The following LOXL2 variants were observed in gnomAD, a reference collection of about 807,000 sequenced individuals.
LOXL2 encodes the protein lysyl oxidase like 2.
In LOXL2, 70 loss-of-function variants were observed where a neutral mutation model predicts 93.0. That is an observed-to-expected ratio of 0.75 (90% CI 0.62 to 0.92). The LOEUF (loss-of-function observed/expected upper bound fraction) is 0.92. Ranked by LOEUF, LOXL2 falls within the 40% of genes least tolerant of loss-of-function variation. The probability of loss-of-function intolerance (pLI) is 0.00; values close to 1 mark genes in which losing one functional copy is unlikely to be tolerated. For synonymous variants in LOXL2, 438 were observed against 413.2 expected, an observed-to-expected ratio of 1.06 and a Z score of -0.73; for missense variants, 973 against 1,054.9, an observed-to-expected ratio of 0.92 and a Z score of 1.08.
intron 6 of LOXL2, among the ~76,000 whole-genome samples, chr8:23,325,753 C>G: frequency 6.6e-6 from 1 of 152,232 alleles, no homozygotes; most frequent in Non-Finnish European, 1.5e-5. Flanking sequence ...GATAAAGACA[C>G]AGGTGCTCCC....
chr8:23,332,222 ACCC>A (rs1191406516), intron 5 of LOXL2, among the ~76,000 whole-genome samples: 1 of 58,254 alleles, frequency 1.7e-5, no homozygotes, highest in Non-Finnish European at 3.3e-5. Context: ...CACCCCACAC[ACCC>A]CCTACACACT....
At chr8:23,342,473 C>T (rs1446384241) in intron 3 of LOXL2, among the ~76,000 whole-genome samples, 2 of 151,182 alleles carry the variant, frequency 1.3e-5, no homozygotes, top group Non-Finnish European at 3.0e-5. Flanking sequence ...GCTCTGTCGC[C>T]CAGGCTGGAG....
At chr8:23,384,564 T>C (rs1804729224) in intron 1 of LOXL2, among the ~76,000 whole-genome samples, 1 of 151,578 alleles carries the variant, frequency 6.6e-6, no homozygotes, top group Non-Finnish European at 1.5e-5. Context: ...CTTCATTCCC[T>C]ATCTGAGTCC....
At chr8:23,357,123 G>A (rs545205052) in intron 3 of LOXL2, among the ~76,000 whole-genome samples, 132 of 151,378 alleles carry the variant, frequency 8.7e-4, no homozygotes, top group Middle Eastern at 3.4e-3. Flanking sequence ...AGGCTGGAGC[G>A]CAATGGCAGG....
At chr8:23,347,262 C>A (rs1255728556) in intron 3 of LOXL2, among the ~76,000 whole-genome samples, 1 of 151,972 alleles carries the variant, frequency 6.6e-6, no homozygotes, top group East Asian at 1.9e-4. Flanking sequence ...GAGGCTGAGG[C>A]AAGAGAATCA....
rs769169718 is a variant in LOXL2 at position 23,328,475 on chromosome 8, C to T, written c.1057G>A (p.Asp353Asn). Reference sequence around the variant, plus strand: ...CTGGCCGACACCAGGTCCCACTTGTCGTCGCAGACGGTCCCCCATTCTCCA... The same window carrying T: ...CTGGCCGACACCAGGTCCCACTTGTTGTCGCAGACGGTCCCCCATTCTCCA... ...KNGEWGTVCD[D>N]KWDLVSASVV... Residue 353 changes from aspartate (D) to asparagine (N), a missense_variant, in exon 6 of 14, where the codon GAC (aspartate) becomes AAC (asparagine). Physicochemically the swap from Asp to Asn is conservative, Grantham distance 23. Coordinates refer to ENST00000389131, the MANE Select transcript of LOXL2 (RefSeq NM_002318.3). The T allele has an allele frequency of 4.2e-5, 68 of 1,613,996 alleles. No individual in the cohort carries two copies. Among genetic ancestry groups the T allele is most frequent in the Non-Finnish European group, 4.9e-5 (58 of 1,180,038 alleles).
intron 10 of LOXL2, among the ~76,000 whole-genome samples, chr8:23,308,971 A>AATAT (rs202120091): frequency 1.8e-4 from 26 of 146,876 alleles, no homozygotes; most frequent in African/African-American, 4.8e-4. Flanking sequence ...CAGTACGTGG[A>AATAT]ATATATATAT....
intron 6 of LOXL2, among the ~76,000 whole-genome samples, chr8:23,327,582 T>C (rs1326259163): frequency 6.6e-6 from 1 of 152,010 alleles, no homozygotes; most frequent in East Asian, 1.9e-4. Flanking sequence ...TTCCAGGAAA[T>C]GACCATGACT....
At chr8:23,373,206 G>A (rs1804526790) in intron 1 of LOXL2, among the ~76,000 whole-genome samples, 1 of 152,118 alleles carries the variant, frequency 6.6e-6, no homozygotes, top group African/African-American at 2.4e-5. Context: ...GGCCCTGCTG[G>A]GAGTAGAGGT....
intron 6 of LOXL2, 146 bp from the exon 7 acceptor site, chr8:23,322,427 C>A (rs1465182338): frequency 4.7e-6 from 3 of 638,714 alleles, no homozygotes; most frequent in Non-Finnish European, 8.1e-6. Flanking sequence ...ATGACCCAAG[C>A]CTCTTCTCCC....
intron 12 of LOXL2, among the ~76,000 whole-genome samples, chr8:23,299,568 G>A (rs1803093332): frequency 6.6e-6 from 1 of 152,170 alleles, no homozygotes; most frequent in Non-Finnish European, 1.5e-5. Flanking sequence ...GGAATAGGAA[G>A]GACATATTCT....
At chr8:23,360,619 C>T (rs143660130) in intron 2 of LOXL2, among the ~76,000 whole-genome samples, 1 of 152,222 alleles carries the variant, frequency 6.6e-6, no homozygotes. Context: ...GGTCAAGGGC[C>T]CTTTTTCTTA....
chr8:23,311,563 T>C lies in LOXL2; in HGVS notation c.1637-1652A>G, dbSNP rs191594752. Among the ~76,000 whole-genome samples the C allele has an allele frequency of 5.3e-5, 8 of 151,654 alleles. No individual in the cohort carries two copies. In the East Asian group the frequency reaches 1.5e-3, roughly 29 times the overall value. On this transcript the variant is annotated intron_variant, in intron 9 of 13. Transcript: ENST00000389131. ...AGCTCGCAAGGCGAGGGATCGTTAA[T>C]GTACCATGGTTTGTGCTTAGCTGGT...
chr8:23,359,993 G>T, intron 3 of LOXL2, 97 bp downstream of exon 3: 2 of 1,168,570 alleles, frequency 1.7e-6, no homozygotes. Context: ...CCTCCTTCCT[G>T]CTCACACACA....
intron 12 of LOXL2, among the ~76,000 whole-genome samples, chr8:23,299,290 T>C (rs1056906979): frequency 6.6e-6 from 1 of 152,084 alleles, no homozygotes; most frequent in Non-Finnish European, 1.5e-5. Flanking sequence ...AAGAAGATGC[T>C]GAAGAGAAGC....
intron 1 of LOXL2, chr8:23,385,827 TG>T (rs1403430393): frequency 7.9e-6 from 5 of 636,778 alleles, no homozygotes; most frequent in Non-Finnish European, 1.4e-5. Flanking sequence ...TATTTCAATA[TG>T]GAATCAATAC....
chr8:23,318,518 C>G (rs574144012), intron 8 of LOXL2, among the ~76,000 whole-genome samples: 2 of 152,028 alleles, frequency 1.3e-5, no homozygotes, highest in African/African-American at 4.8e-5. Context: ...TTGACCAATA[C>G]CCACCTCCAT....
chr8:23,337,724 A>G, intron 4 of LOXL2, among the ~76,000 whole-genome samples: 1 of 152,220 alleles, frequency 6.6e-6, no homozygotes. Context: ...TATGACTACA[A>G]AATGCTCCCT....
intron 5 of LOXL2, 68 bp from the exon 6 acceptor site, chr8:23,328,633 G>GCC (rs750346852): frequency 6.7e-7 from 1 of 1,484,694 alleles, no homozygotes; most frequent in South Asian, 1.1e-5. Context: ...CACTGTCCCC[G>GCC]CCCCCTCCCT....
Sources: allele counts gnomAD v4.1 joint callset (sites outside exome capture counted in the v4.1 genomes callset), GRCh38; gene constraint gnomAD v4.1.1; transcripts MANE v1.5; gene names NCBI Gene and HGNC (gene_info 2026-07-23, HGNC 2026-07-21).